Variants in RGS6 observed in about 807,000 individuals in gnomAD.
RGS6 encodes the protein regulator of G-protein signaling 6.
Under a neutral mutation model 78.5 loss-of-function variants are expected in RGS6, and 30 were observed. That is an observed-to-expected ratio of 0.38 (90% CI 0.29 to 0.52). The LOEUF (loss-of-function observed/expected upper bound fraction) is 0.52, where lower values mean the gene tolerates loss of function less well. RGS6 is among the 20% of genes least tolerant of loss of function. The pLI is 0.85. For synonymous variants in RGS6, 206 were observed against 206.0 expected (o/e 1.00, Z 0.00); for missense variants, 495 against 609.7 (o/e 0.81, Z 1.98).
intron 3 of RGS6, among the ~76,000 whole-genome samples, chr14:72,402,987 C>T (rs551023394): frequency 6.6e-6 from 1 of 151,800 alleles, no homozygotes; most frequent in East Asian, 1.9e-4. Flanking sequence ...GATGGGGTTT[C>T]GCCATGTTAG....
intron 2 of RGS6, among the ~76,000 whole-genome samples, chr14:72,282,498 G>C (rs2061750636): frequency 6.6e-6 from 1 of 152,174 alleles, no homozygotes. Flanking sequence ...GAGCCACAAA[G>C]GTAGCAGTGG....
intron 12 of RGS6, among the ~76,000 whole-genome samples, chr14:72,492,842 C>T (rs973976676): frequency 1.3e-5 from 2 of 152,208 alleles, no homozygotes; most frequent in Admixed American, 1.3e-4. Flanking sequence ...AGAACACAGT[C>T]ACACGCATTC....
chr14:72,111,586 G>C (rs914078947), intron 2 of RGS6, among the ~76,000 whole-genome samples: 2 of 152,086 alleles, frequency 1.3e-5, no homozygotes, highest in African/African-American at 2.4e-5. Flanking sequence ...ATGTTAAAAG[G>C]CCTAGTAAAC....
the RGS6 span, among the ~76,000 whole-genome samples, chr14:71,874,856 C>T: frequency 1.3e-5 from 2 of 152,092 alleles, no homozygotes; most frequent in Non-Finnish European, 2.9e-5. Flanking sequence ...GCATGAAGGG[C>T]TGTTGAATTT....
At chr14:72,593,205 C>G in the RGS6 span, among the ~76,000 whole-genome samples, 3 of 152,194 alleles carry the variant, frequency 2.0e-5, no homozygotes, top group Non-Finnish European at 4.4e-5. Context: ...TGCTGCCATT[C>G]AAGTAAGGCT....
chr14:72,455,283 A>G (rs2153229702), intron 4 of RGS6, among the ~76,000 whole-genome samples: 1 of 152,340 alleles, frequency 6.6e-6, no homozygotes, highest in East Asian at 1.9e-4. Flanking sequence ...TGATGCCTGA[A>G]GGTCACATTT....
intron 2 of RGS6, among the ~76,000 whole-genome samples, chr14:72,236,622 C>G (rs1404053088): frequency 6.6e-6 from 1 of 152,246 alleles, no homozygotes; most frequent in Non-Finnish European, 1.5e-5. Flanking sequence ...TCACTTCACA[C>G]TTGGAAGGTT....
chr14:72,321,971 CTA>C (rs2072201813), intron 2 of RGS6, among the ~76,000 whole-genome samples: 2 of 152,048 alleles, frequency 1.3e-5, no homozygotes, highest in Non-Finnish European at 1.5e-5. Context: ...CCTCTAATCA[CTA>C]TGAGTCAAAA....
intron 3 of RGS6, among the ~76,000 whole-genome samples, chr14:72,386,408 C>T (rs1388584618): frequency 6.6e-6 from 1 of 152,066 alleles, no homozygotes; most frequent in Non-Finnish European, 1.5e-5. Context: ...CATGGTTTTG[C>T]ATGCTTGTAG....
At chr14:71,931,190 C>A (rs965687392), upstream of RGS6, among the ~76,000 whole-genome samples, 4 of 152,078 alleles carry the variant, frequency 2.6e-5, no homozygotes, top group Non-Finnish European at 4.4e-5. Flanking sequence ...ACTGGGACAT[C>A]TGTTACAATT....
At chr14:72,602,327 G>A in the RGS6 span, among the ~76,000 whole-genome samples, 1 of 152,178 alleles carries the variant, frequency 6.6e-6, no homozygotes, top group South Asian at 2.1e-4. Context: ...GATGGTAGGA[G>A]AAGGATGAGA....
At chr14:71,907,000 G>A in the RGS6 span, among the ~76,000 whole-genome samples, 1 of 152,122 alleles carries the variant, frequency 6.6e-6, no homozygotes, top group Admixed American at 6.5e-5. Context: ...CTTTCTCTTG[G>A]GAAGGACCTC....
intron 2 of RGS6, among the ~76,000 whole-genome samples, chr14:72,286,271 T>C (rs2062532369): frequency 6.6e-6 from 1 of 152,192 alleles, no homozygotes; most frequent in Admixed American, 6.5e-5. Flanking sequence ...GGACTAACCT[T>C]TCTCCATTGT....
At chr14:72,013,306 A>G (rs536963525) in intron 2 of RGS6, among the ~76,000 whole-genome samples, 9 of 150,210 alleles carry the variant, frequency 6.0e-5, no homozygotes, top group Admixed American at 5.3e-4. Flanking sequence ...AACAACAACC[A>G]TAAAATAAAG....
At chr14:72,537,527 C>A (rs1598855020) in intron 16 of RGS6, 1 of 702,368 alleles carries the variant, frequency 1.4e-6, no homozygotes, top group Non-Finnish European at 2.6e-6. Flanking sequence ...GGTGTGGCTA[C>A]TGTGATGGGC....
At chr14:72,336,532 AGAG>A (rs1321031108) in intron 2 of RGS6, among the ~76,000 whole-genome samples, 2 of 145,080 alleles carry the variant, frequency 1.4e-5, no homozygotes, top group African/African-American at 2.5e-5. Flanking sequence ...AGAGAGAGAG[AGAG>A]CGCGCATAGG....
intron 3 of RGS6, among the ~76,000 whole-genome samples, chr14:72,433,690 T>C (rs2153175138): frequency 6.6e-6 from 1 of 152,174 alleles, no homozygotes; most frequent in East Asian, 1.9e-4. Context: ...CAGCCCTCCT[T>C]CCGAGTGTAC....
intron 15 of RGS6, among the ~76,000 whole-genome samples, chr14:72,531,220 G>A (rs2097178267): frequency 6.6e-6 from 1 of 152,086 alleles, no homozygotes; most frequent in Non-Finnish European, 1.5e-5. Context: ...ATCACTTGAG[G>A]CCAGGAGTTC....
chr14:72,570,166 C>T (rs1208223796), downstream of RGS6, among the ~76,000 whole-genome samples: 1 of 151,996 alleles, frequency 6.6e-6, no homozygotes, highest in Non-Finnish European at 1.5e-5. Context: ...AATTAAAAAA[C>T]AATATAGCAT....
Sources: gnomAD v4.1 joint callset for allele counts (sites outside exome capture counted in the v4.1 genomes callset) on GRCh38, gnomAD v4.1.1 for gene constraint, MANE v1.5 for transcripts, NCBI Gene and HGNC (gene_info 2026-07-23, HGNC 2026-07-21) for gene names.